MYLK: variants seen among roughly 807,000 people sequenced by gnomAD.
MYLK encodes myosin light chain kinase.
A neutral mutation model predicts 203.4 loss-of-function variants in MYLK; 106 were observed. The ratio of observed to expected loss-of-function variants is 0.52; its 90% CI spans 0.45 to 0.61. MYLK has a LOEUF of 0.61. MYLK is among the 20% of genes least tolerant of loss of function. The pLI is 0.00. For missense variants in MYLK, 2,072 were observed against 2,442.3 expected (o/e 0.85, Z 3.20); for synonymous variants, 867 against 959.5 (o/e 0.90, Z 1.78).
intron 28 of MYLK, 152 bp from the exon 29 acceptor site, chr3:123,638,346 T>A: frequency 1.8e-6 from 2 of 1,112,934 alleles, no homozygotes; most frequent in Non-Finnish European, 2.6e-6. Context: ...TCTGACCTCC[T>A]TGTTAAACAG....
intron 2 of MYLK, among the ~76,000 whole-genome samples, chr3:123,857,666 A>C (rs1178919200): frequency 9.0e-6 from 1 of 110,720 alleles, no homozygotes; most frequent in Non-Finnish European, 1.8e-5. Context: ...GGGAGGGGGG[A>C]GGGATAGCAT....
In MYLK at chr3:123,879,319, T is replaced by C. The variant is rs1473130278; in HGVS notation, c.-185-2702A>G. ...AAACCTCAGGACAAGCACACCTGCA[T>C]GTTTGGGAGTGCGCTGCAAGGTCAA... On this transcript the variant is annotated intron_variant, in intron 1 of 33. Transcript: ENST00000360304. Among the ~76,000 whole-genome samples the C allele has an allele frequency of 3.9e-5, 6 of 152,106 alleles. No individual in the cohort carries two copies. The East Asian group carries it at 1.2e-3, about 29-fold the overall frequency.
intron 23 of MYLK, chr3:123,659,559 G>A (rs528947696): frequency 5.3e-6 from 2 of 377,684 alleles, no homozygotes; most frequent in South Asian, 4.0e-5. Flanking sequence ...CAAGTCAGAA[G>A]TCCTAGGAGA....
intron 2 of MYLK, among the ~76,000 whole-genome samples, chr3:123,839,024 G>A (rs1051024629): frequency 6.6e-6 from 1 of 152,154 alleles, no homozygotes; most frequent in Non-Finnish European, 1.5e-5. Flanking sequence ...GAACTTGGGA[G>A]GTGGAGGTGG....
chr3:123,667,260 T>C lies in MYLK; in HGVS notation c.3653-73A>G, dbSNP rs1244915643. ...CACAAAGCTCCTGATCCTAGGAAGA[T>C]GCAGTCTTGTCCACTGGCCCCTCAT... On this transcript the variant is annotated intron_variant, in intron 20 of 33. Transcript: ENST00000360304. 8.2e-6 allele frequency: 12 copies of C among 1,457,186 alleles called. No homozygotes were observed. In the Middle Eastern group the frequency reaches 5.2e-4, roughly 63 times the overall value. 90.3% of individuals were successfully genotyped at this position (1,457,186 alleles called of 1,614,324 possible).
In MYLK at chr3:123,610,373, A is replaced by G. The variant is rs2057222189; in HGVS notation, c.*3732T>C. On this transcript the variant is annotated 3_prime_UTR_variant, in exon 34 of 34. Transcript: ENST00000360304. ...GAGAACCCCAAAATCTTGGTGATTT[A>G]TAAGAACAAATGTTTATTTCTTGCT... The G allele has an allele frequency of 6.6e-6, 1 of 152,186 alleles. No homozygotes were observed. The highest frequency in any genetic ancestry group is 6.5e-5 in the Admixed American group (1 of 15,270). 9.4% of individuals were successfully genotyped at this position (152,186 alleles called of 1,614,324 possible).
At chr3:123,720,082 T>C (rs1270219079) in intron 13 of MYLK, among the ~76,000 whole-genome samples, 3 of 152,244 alleles carry the variant, frequency 2.0e-5, no homozygotes, top group Non-Finnish European at 2.9e-5. Flanking sequence ...TGAGCCTGTC[T>C]GGTCTTTATA....
chr3:123,773,679 T>A (rs959109307), intron 4 of MYLK, among the ~76,000 whole-genome samples: 4 of 151,958 alleles, frequency 2.6e-5, no homozygotes, highest in Non-Finnish European at 5.9e-5. Flanking sequence ...CAGAGGAGGG[T>A]GAGGCTTCTG....
Position 123,846,135 on chromosome 3 carries a change from C to T in MYLK, c.-126-14465G>A, listed in dbSNP as rs572354300. 5.3e-5 allele frequency among the ~76,000 whole-genome samples: 8 copies of T among 152,272 alleles called. No individual in the cohort carries two copies. The South Asian group carries it at 1.0e-3, about 20-fold the overall frequency. On this transcript the variant is annotated intron_variant, in intron 2 of 33. Transcript: ENST00000360304. ...AAAGATTTCTATCATAGCGACAAAACGGATTCTTGATTAAAAGAACATCAG... is the reference window on the plus strand; with the variant it reads ...AAAGATTTCTATCATAGCGACAAAATGGATTCTTGATTAAAAGAACATCAG...
chr3:123,704,120 C>A (rs1814563), intron 16 of MYLK, among the ~76,000 whole-genome samples: 12,285 of 152,252 alleles, frequency 0.081, 1,408 homozygotes, highest in East Asian at 0.49. Context: ...ACCCTGTGGC[C>A]CCCAGCAGTC....
rs886057856 is a variant in MYLK at position 123,613,939 on chromosome 3, CT to C, written c.*165del. On this transcript the variant is annotated 3_prime_UTR_variant, in exon 34 of 34. Transcript: ENST00000360304. ...CATAGATTAATGCCCATCAATAACGCTGCTAGGTATCAACTGCTGTTTCTGA... is the reference window on the plus strand; with the variant it reads ...CATAGATTAATGCCCATCAATAACGCGCTAGGTATCAACTGCTGTTTCTGA... 6.4e-5 allele frequency: 49 copies of C among 766,274 alleles called. No homozygotes were observed. The highest frequency in any genetic ancestry group is 2.6e-5 in the Non-Finnish European group (12 of 461,470). The allele number at this position is 766,274 out of a possible 1,614,324, so 47.5% of individuals were successfully genotyped here. A position where few individuals can be genotyped will look rare whatever the true frequency, so the allele number is the denominator to read the frequency against.
chr3:123,860,282 C>T (rs555693209), intron 2 of MYLK, among the ~76,000 whole-genome samples: 62 of 152,266 alleles, frequency 4.1e-4, no homozygotes, highest in Non-Finnish European at 6.9e-4. Context: ...GTCTCCTAGA[C>T]CTGCAGTTCT....
intron 3 of MYLK, among the ~76,000 whole-genome samples, chr3:123,800,668 T>A (rs1296035424): frequency 6.6e-6 from 1 of 152,200 alleles, no homozygotes; most frequent in Non-Finnish European, 1.5e-5. Flanking sequence ...AGAAGGTATT[T>A]TCATAGTTCC....
chr3:123,848,770 T>C (rs1335967002), intron 2 of MYLK, among the ~76,000 whole-genome samples: 1 of 152,176 alleles, frequency 6.6e-6, no homozygotes, highest in Admixed American at 6.5e-5. Flanking sequence ...ATGAAAATTA[T>C]GTTTAGATGA....
chr3:123,769,092 A>T (rs2063794184), intron 4 of MYLK, among the ~76,000 whole-genome samples: 2 of 151,796 alleles, frequency 1.3e-5, no homozygotes, highest in South Asian at 4.2e-4. Context: ...CCTGTCCCAG[A>T]CAATCTGAGA....
intron 31 of MYLK, 21 bp downstream of exon 31, chr3:123,626,797 C>A (rs1395567760): frequency 6.2e-7 from 1 of 1,614,004 alleles, no homozygotes; most frequent in Non-Finnish European, 8.5e-7. Flanking sequence ...ACATCCCAGT[C>A]CAAAGTGACC....
chr3:123,732,790 C>A, intron 11 of MYLK, 106 bp downstream of exon 11: 2 of 1,125,604 alleles, frequency 1.8e-6, no homozygotes, highest in Non-Finnish European at 2.6e-6. Flanking sequence ...TCGGGCTGTG[C>A]ACCAAGGCAG....
intron 1 of MYLK, among the ~76,000 whole-genome samples, chr3:123,882,136 C>T (rs2033585823): frequency 6.6e-6 from 1 of 152,238 alleles, no homozygotes; most frequent in Non-Finnish European, 1.5e-5. Flanking sequence ...ACAGCAACTA[C>T]TCTGGCTGGG....
chr3:123,784,831 G>A (rs1194457348), intron 4 of MYLK, among the ~76,000 whole-genome samples: 2 of 152,132 alleles, frequency 1.3e-5, no homozygotes, highest in African/African-American at 4.8e-5. Flanking sequence ...CTGAATGAGG[G>A]GGCGGACTGC....
Sources: allele counts gnomAD v4.1 joint callset (sites outside exome capture counted in the v4.1 genomes callset), GRCh38; gene constraint gnomAD v4.1.1; transcripts MANE v1.5; gene names NCBI Gene and HGNC (gene_info 2026-07-23, HGNC 2026-07-21).